CREB1: variants seen among roughly 807,000 people sequenced by gnomAD.
The protein encoded by CREB1 is cAMP responsive element binding protein 1.
CREB1 carries 2 observed loss-of-function variants against 42.0 expected under a neutral mutation model. That is an observed-to-expected ratio of 0.05 (90% CI 0.02 to 0.15). The LOEUF (loss-of-function observed/expected upper bound fraction) is 0.15, where lower values mean the gene tolerates loss of function less well. Among genes scored for constraint, CREB1 ranks in the 10% least tolerant of loss-of-function variants. CREB1 has a pLI of 1.00. For missense variants in CREB1, 199 were observed against 388.9 expected (o/e 0.51, Z 4.11); for synonymous variants, 123 against 139.9 (o/e 0.88, Z 0.85).
intron 5 of CREB1, among the ~76,000 whole-genome samples, chr2:207,571,014 C>CCCTTTTTT (rs2082334463): frequency 9.4e-5 from 2 of 21,338 alleles, no homozygotes; most frequent in Admixed American, 1.4e-3. Context: ...ACTTTTTTCT[C>CCCTTTTTT]TTTTTCCCTT....
chr2:207,537,749 T>C (rs1276438044), intron 1 of CREB1, among the ~76,000 whole-genome samples: 1 of 152,214 alleles, frequency 6.6e-6, no homozygotes, highest in Non-Finnish European at 1.5e-5. Context: ...TACACACTCT[T>C]GTCTTATCTA....
intron 6 of CREB1, among the ~76,000 whole-genome samples, chr2:207,575,957 T>C (rs1319579698): frequency 6.0e-5 from 4 of 66,560 alleles, no homozygotes; most frequent in African/African-American, 2.0e-4. Context: ...CCAAAAGAAA[T>C]TTAAATCTTC....
chr2:207,533,637 T>G (rs1037256867), intron 1 of CREB1, among the ~76,000 whole-genome samples: 2 of 152,184 alleles, frequency 1.3e-5, no homozygotes, highest in African/African-American at 2.4e-5. Flanking sequence ...TTTGATGGCT[T>G]CTTTATTGAA....
intron 1 of CREB1, among the ~76,000 whole-genome samples, chr2:207,532,344 GA>G (rs1293684451): frequency 2.0e-5 from 3 of 150,756 alleles, no homozygotes; most frequent in African/African-American, 7.3e-5. Flanking sequence ...AAAAAAGAAA[GA>G]ATATATGACT....
rs889116230 is a variant in CREB1 at position 207,603,734 on chromosome 2, A to T, written c.*6676A>T. Among the ~76,000 whole-genome samples, 7 of 152,190 alleles carry T rather than the reference A, an allele frequency of 4.6e-5. No homozygotes were observed. Among genetic ancestry groups the T allele is most frequent in the African/African-American group, 1.7e-4 (7 of 41,446 alleles). On this transcript the variant is annotated 3_prime_UTR_variant, in exon 8 of 8. Transcript: ENST00000353267. ...GATGTCATAAAACACGTGTTCACTG[A>T]AAGGACAATAAGACTATATACCTTC...
chr2:207,534,559 A>G (rs963504605), intron 1 of CREB1: 4 of 152,376 alleles, frequency 2.6e-5, no homozygotes, highest in East Asian at 1.9e-4. Flanking sequence ...AGAAGCTACA[A>G]CAAATCCAAA....
intron 7 of CREB1, among the ~76,000 whole-genome samples, chr2:207,584,726 T>A (rs900452211): frequency 2.0e-5 from 3 of 152,212 alleles, no homozygotes; most frequent in African/African-American, 7.2e-5. Flanking sequence ...TTATGTGATT[T>A]GCTATCTATA....
intron 4 of CREB1, among the ~76,000 whole-genome samples, chr2:207,569,974 G>A (rs1229342618): frequency 6.7e-6 from 1 of 150,128 alleles, no homozygotes; most frequent in African/African-American, 2.5e-5. Flanking sequence ...CCCGGGAGGC[G>A]GAGGTTGCAG....
chr2:207,531,379 A>C (rs1044955538), intron 1 of CREB1, among the ~76,000 whole-genome samples: 1 of 152,260 alleles, frequency 6.6e-6, no homozygotes, highest in Non-Finnish European at 1.5e-5. Context: ...TGTCTCATGC[A>C]GTAGGTAACC....
chr2:207,575,208 A>T (rs1379414515), intron 5 of CREB1, 64 bp from the exon 6 acceptor site: 1 of 1,458,462 alleles, frequency 6.9e-7, no homozygotes, highest in Non-Finnish European at 9.4e-7. Context: ...TCTACATTGG[A>T]TGTAATGTTT....
chr2:207,570,415 G>A, intron 5 of CREB1, 94 bp downstream of exon 5: 5 of 1,220,846 alleles, frequency 4.1e-6, no homozygotes, highest in Non-Finnish European at 5.6e-6. Flanking sequence ...ACCAATACAA[G>A]TGCCAAGTCT....
At position 207,604,117 on chromosome 2, in the gene CREB1, A is replaced by C. The variant is rs1015945913; in HGVS notation, c.*7059A>C. 6.6e-6 allele frequency among the ~76,000 whole-genome samples: 1 copy of C among 152,226 alleles called. No individual in the cohort carries two copies. The highest frequency in any genetic ancestry group is 1.5e-5 in the Non-Finnish European group (1 of 68,028). Reference sequence around the variant, plus strand: ...GGCATGAACTAGGATTGTTCTAAGCAAATCGGAATCGGGTCACCCTGCCAC... The same window carrying C: ...GGCATGAACTAGGATTGTTCTAAGCCAATCGGAATCGGGTCACCCTGCCAC... On this transcript the variant is annotated 3_prime_UTR_variant, in exon 8 of 8. Coordinates refer to ENST00000353267, the MANE Select transcript of CREB1 (RefSeq NM_004379.5).
intron 7 of CREB1, 108 bp from the exon 8 acceptor site, chr2:207,596,806 A>G (rs2086262765): frequency 8.0e-7 from 1 of 1,246,722 alleles, no homozygotes; most frequent in African/African-American, 1.6e-5. Context: ...ATATACTAAA[A>G]TGTTGGTTGC....
In CREB1 at chr2:207,597,275, G is replaced by A. The variant is rs192082921; in HGVS notation, c.*217G>A. On this transcript the variant is annotated 3_prime_UTR_variant, in exon 8 of 8. Transcript: ENST00000353267. ...CTTCTCCCCTCAAGAAATTTTCAAC[G>A]CCAGGAATCATGAAGAGACTTCTGC... The A allele has an allele frequency of 4.8e-5, 22 of 454,944 alleles. No homozygotes were observed. In the East Asian group the frequency reaches 7.2e-4, roughly 15 times the overall value. The allele number at this position is 454,944 out of a possible 1,614,324, so 28.2% of individuals were successfully genotyped here.
intron 7 of CREB1, among the ~76,000 whole-genome samples, chr2:207,596,293 T>C (rs1452965727): frequency 6.6e-6 from 1 of 152,250 alleles, no homozygotes; most frequent in African/African-American, 2.4e-5. Flanking sequence ...TGTTACACAT[T>C]GAAATTTAGC....
rs766156344 is a variant in CREB1 at position 207,599,519 on chromosome 2, A to G, written c.*2461A>G. The G allele has an allele frequency of 5.1e-6, 1 of 195,928 alleles. No individual in the cohort carries two copies. The highest frequency in any genetic ancestry group is 1.1e-5 in the Non-Finnish European group (1 of 94,404). 12.1% of individuals were successfully genotyped at this position (195,928 alleles called of 1,614,324 possible). Reference sequence around the variant, plus strand: ...ACATTCATGTGAGCTGGATGAATTTATAAGTTATAAAGACCTTATCCTTCA... The same window carrying G: ...ACATTCATGTGAGCTGGATGAATTTGTAAGTTATAAAGACCTTATCCTTCA... On this transcript the variant is annotated 3_prime_UTR_variant, in exon 8 of 8. Coordinates refer to ENST00000353267, the MANE Select transcript of CREB1 (RefSeq NM_004379.5).
rs2087589956 is a variant in CREB1 at position 207,603,931 on chromosome 2, T to C, written c.*6873T>C. 6.6e-6 allele frequency among the ~76,000 whole-genome samples: 1 copy of C among 152,210 alleles called. No individual in the cohort carries two copies. The highest frequency in any genetic ancestry group is 2.4e-5 in the African/African-American group (1 of 41,458). On this transcript the variant is annotated 3_prime_UTR_variant, in exon 8 of 8. Coordinates refer to ENST00000353267, the MANE Select transcript of CREB1 (RefSeq NM_004379.5). ...ATCTGAAAATAAGCAGCTGCATTATTTGTATGTTTCTTCACTGCCAAGATG... is the reference window on the plus strand; with the variant it reads ...ATCTGAAAATAAGCAGCTGCATTATCTGTATGTTTCTTCACTGCCAAGATG...
chr2:207,576,066 ATCC>A (rs2082579192), intron 6 of CREB1, among the ~76,000 whole-genome samples: 1 of 151,024 alleles, frequency 6.6e-6, no homozygotes, highest in Non-Finnish European at 1.5e-5. Context: ...GCCTCAAGCA[ATCC>A]TCCTTTCTCA....
At chr2:207,535,637 A>G (rs1166418508) in intron 1 of CREB1, among the ~76,000 whole-genome samples, 1 of 152,074 alleles carries the variant, frequency 6.6e-6, no homozygotes, top group Non-Finnish European at 1.5e-5. Flanking sequence ...CTGAGATGAT[A>G]AACTTTACTG....
Sources: gnomAD v4.1 joint callset for allele counts (sites outside exome capture counted in the v4.1 genomes callset) on GRCh38, gnomAD v4.1.1 for gene constraint, MANE v1.5 for transcripts, NCBI Gene and HGNC (gene_info 2026-07-23, HGNC 2026-07-21) for gene names.